GRM1: variants seen among roughly 807,000 people sequenced by gnomAD.
GRM1 encodes metabotropic glutamate receptor 1.
In GRM1, 33 loss-of-function variants were observed where a neutral mutation model predicts 90.9. That is an observed-to-expected ratio of 0.36 (90% CI 0.28 to 0.49). GRM1 has a LOEUF of 0.49. Ranked by LOEUF, GRM1 falls within the 20% of genes least tolerant of loss-of-function variation. The probability of loss-of-function intolerance (pLI) is 0.99; values close to 1 mark genes in which losing one functional copy is unlikely to be tolerated. For missense variants in GRM1, 1,190 were observed against 1,534.3 expected, an observed-to-expected ratio of 0.78 and a Z score of 3.75; for synonymous variants, 700 against 613.2, an observed-to-expected ratio of 1.14 and a Z score of -2.09.
At chr6:146,136,849 C>CTTTTTTTTTTT in intron 1 of GRM1, among the ~76,000 whole-genome samples, 1 of 90,942 alleles carries the variant, frequency 1.1e-5, no homozygotes. Flanking sequence ...TGTACAGAAG[C>CTTTTTTTTTTT]TTTTTTTTTT....
chr6:146,041,091 TA>T (rs1791084075), intron 1 of GRM1, among the ~76,000 whole-genome samples: 1 of 152,054 alleles, frequency 6.6e-6, no homozygotes, highest in Non-Finnish European at 1.5e-5. Flanking sequence ...AATTTCTGTT[TA>T]ACTTTGTAAA....
chr6:146,037,987 G>A (rs1312696434), intron 1 of GRM1, among the ~76,000 whole-genome samples: 1 of 151,868 alleles, frequency 6.6e-6, no homozygotes, highest in Non-Finnish European at 1.5e-5. Flanking sequence ...CCATATTTGT[G>A]CTTGTTATCA....
intron 3 of GRM1, among the ~76,000 whole-genome samples, chr6:146,308,738 T>C (rs1214837942): frequency 6.6e-6 from 1 of 152,184 alleles, no homozygotes; most frequent in Admixed American, 6.5e-5. Context: ...TGCTCTTATC[T>C]AAACATCATT....
At chr6:146,078,414 AG>A (rs1412422432) in intron 1 of GRM1, among the ~76,000 whole-genome samples, 1 of 152,194 alleles carries the variant, frequency 6.6e-6, no homozygotes, top group Non-Finnish European at 1.5e-5. Context: ...AAAGAGAAAA[AG>A]AAAAAGATTC....
chr6:146,367,613 T>C (rs1775741974), intron 5 of GRM1, among the ~76,000 whole-genome samples: 2 of 152,108 alleles, frequency 1.3e-5, no homozygotes. Context: ...GCCATCTTCA[T>C]GTCCATGTTT....
intron 1 of GRM1, among the ~76,000 whole-genome samples, chr6:146,042,931 A>G (rs1294881745): frequency 6.6e-6 from 1 of 151,996 alleles, no homozygotes; most frequent in Non-Finnish European, 1.5e-5. Context: ...AGATCCTCTC[A>G]AAGGGCCAGA....
chr6:146,202,548 G>T (rs1360787269), intron 2 of GRM1, among the ~76,000 whole-genome samples: 1 of 152,168 alleles, frequency 6.6e-6, no homozygotes, highest in African/African-American at 2.4e-5. Context: ...CACGATGGAG[G>T]TTTCTAATGA....
chr6:146,088,576 A>G (rs1776619253), intron 1 of GRM1, among the ~76,000 whole-genome samples: 1 of 152,106 alleles, frequency 6.6e-6, no homozygotes, highest in African/African-American at 2.4e-5. Flanking sequence ...TTGATATTTG[A>G]GGAAAGGAAG....
intron 1 of GRM1, among the ~76,000 whole-genome samples, chr6:146,144,032 A>G (rs1032438613): frequency 5.9e-5 from 9 of 152,322 alleles, no homozygotes; most frequent in Admixed American, 5.2e-4. Flanking sequence ...CAAAATTATT[A>G]CAGACTAGGA....
intron 2 of GRM1, among the ~76,000 whole-genome samples, chr6:146,270,952 CCTTT>C (rs1311035928): frequency 0.035 from 3,300 of 94,310 alleles, 102 homozygotes; most frequent in African/African-American, 0.055. Flanking sequence ...TTCCTTCCTT[CCTTT>C]CTTTCTTTCT....
At chr6:146,261,963 A>C (rs1369285346) in intron 2 of GRM1, among the ~76,000 whole-genome samples, 3 of 152,026 alleles carry the variant, frequency 2.0e-5, no homozygotes, top group Non-Finnish European at 4.4e-5. Context: ...GTTACAAAGG[A>C]AAGCCCCCTT....
At chr6:146,249,810 C>T (rs1781207035) in intron 2 of GRM1, among the ~76,000 whole-genome samples, 1 of 152,158 alleles carries the variant, frequency 6.6e-6, no homozygotes, top group African/African-American at 2.4e-5. Context: ...CGGAAGCACT[C>T]AATGCCAGCC....
chr6:146,150,938 GCACACACACA>G (rs143821112), intron 1 of GRM1, among the ~76,000 whole-genome samples: 6 of 150,708 alleles, frequency 4.0e-5, no homozygotes, highest in Admixed American at 1.3e-4. Context: ...GCGTGTGCGC[GCACACACACA>G]CACACACACA....
chr6:146,191,889 GT>G (rs1311571830), intron 2 of GRM1, among the ~76,000 whole-genome samples: 8 of 152,052 alleles, frequency 5.3e-5, no homozygotes, highest in Non-Finnish European at 1.0e-4. Flanking sequence ...AATATAAATG[GT>G]TTCTCTCTGT....
chr6:146,309,619 T>A (rs916806507), intron 3 of GRM1, among the ~76,000 whole-genome samples: 2 of 152,140 alleles, frequency 1.3e-5, no homozygotes, highest in African/African-American at 4.8e-5. Flanking sequence ...AAAAGCTCCA[T>A]AATATTCTAA....
intron 5 of GRM1, among the ~76,000 whole-genome samples, chr6:146,368,944 C>T (rs1775799732): frequency 6.6e-6 from 1 of 151,828 alleles, no homozygotes; most frequent in African/African-American, 2.4e-5. Context: ...TTTAAAAGTC[C>T]AGTAGAATTC....
chr6:146,386,854 A>C, intron 5 of GRM1, 36 bp from the exon 6 acceptor site: 3 of 1,564,726 alleles, frequency 1.9e-6, no homozygotes, highest in Non-Finnish European at 2.6e-6. Flanking sequence ...TTCTGGGAAA[A>C]CTATCTTTAA....
chr6:146,146,103 CTTTTTTTTTTTTTTTTTTTTTTTT>C (rs35329703), intron 1 of GRM1, among the ~76,000 whole-genome samples: 1 of 19,950 alleles, frequency 5.0e-5, no homozygotes, highest in Non-Finnish European at 1.1e-4. Context: ...ACCATTGTAT[CTTTTTTTTTTTTTTTTTTTTTTTT>C]TTTTTTTTTT....
chr6:146,046,766 T>A (rs191927729), intron 1 of GRM1, among the ~76,000 whole-genome samples: 77 of 82,736 alleles, frequency 9.3e-4, no homozygotes, highest in African/African-American at 2.5e-3. Flanking sequence ...AAAATAATAT[T>A]TTTTATGTTT....
Sources: gnomAD v4.1 joint callset for allele counts (sites outside exome capture counted in the v4.1 genomes callset) on GRCh38, gnomAD v4.1.1 for gene constraint, MANE v1.5 for transcripts, NCBI Gene and HGNC (gene_info 2026-07-23, HGNC 2026-07-21) for gene names.